ELF1: variants seen among roughly 807,000 people sequenced by gnomAD.
ELF1 encodes the protein ETS-related transcription factor Elf-1.
ELF1 carries 24 observed loss-of-function variants against 59.9 expected under a neutral mutation model. The observed-to-expected ratio is 0.40, with a 90% CI of 0.29 to 0.56. The LOEUF (loss-of-function observed/expected upper bound fraction) is 0.56, where lower values mean the gene tolerates loss of function less well. ELF1 is among the 20% of genes least tolerant of loss of function. ELF1 has a pLI of 0.44. For synonymous variants in ELF1, 248 were observed against 266.2 expected (o/e 0.93, Z 0.67); for missense variants, 627 against 742.2 (o/e 0.84, Z 1.80).
chr13:41,029,592 G>A (rs533317721), intron 1 of ELF1, among the ~76,000 whole-genome samples: 168 of 152,098 alleles, frequency 1.1e-3, no homozygotes, highest in African/African-American at 3.9e-3. Flanking sequence ...ATGTTGCCCA[G>A]GCTGGTCCTG....
At chr13:40,977,836 C>T (rs924000690) in intron 2 of ELF1, among the ~76,000 whole-genome samples, 5 of 152,000 alleles carry the variant, frequency 3.3e-5, no homozygotes, top group Non-Finnish European at 5.9e-5. Context: ...GTGATACTGG[C>T]ACAATATAAA....
intron 1 of ELF1, chr13:40,993,466 C>G (rs1873970963): frequency 1.7e-6 from 1 of 591,526 alleles, no homozygotes; most frequent in Non-Finnish European, 3.0e-6. Context: ...CTTAAGCACC[C>G]AGCGGGCGAG....
intron 1 of ELF1, among the ~76,000 whole-genome samples, chr13:40,990,968 G>A (rs1873822480): frequency 6.6e-6 from 1 of 152,056 alleles, no homozygotes; most frequent in African/African-American, 2.4e-5. Context: ...TTGAGAGACT[G>A]TCACAACTAA....
At chr13:41,020,122 T>C (rs972576108), upstream of ELF1, among the ~76,000 whole-genome samples, 20 of 151,972 alleles carry the variant, frequency 1.3e-4, 1 homozygote, top group Admixed American at 1.2e-3. Flanking sequence ...GGCACCCTGC[T>C]ACAGCTCCAC....
chr13:40,944,991 G>A (rs912471906), intron 5 of ELF1, among the ~76,000 whole-genome samples: 4 of 152,110 alleles, frequency 2.6e-5, no homozygotes, highest in South Asian at 2.1e-4. Context: ...CAAAAAGCCC[G>A]CTCTTCAGTC....
intron 1 of ELF1, among the ~76,000 whole-genome samples, chr13:40,991,983 A>G (rs1225177772): frequency 2.6e-5 from 4 of 152,252 alleles, no homozygotes; most frequent in African/African-American, 9.6e-5. Context: ...TCTGATGAAT[A>G]GCTAAATCAG....
At chr13:41,050,752 T>C (rs9566674) in intron 1 of ELF1, among the ~76,000 whole-genome samples, 20,452 of 152,018 alleles carry the variant, frequency 0.13, 2,045 homozygotes, top group East Asian at 0.29. Flanking sequence ...GATTTCACCA[T>C]ATTTGCCAGG....
Position 40,933,966 on chromosome 13 carries a change from G to A in ELF1, c.1319C>T (p.Thr440Ile). 1 of 1,614,250 alleles carries A rather than the reference G, an allele frequency of 6.2e-7. No individual in the cohort carries two copies. Among genetic ancestry groups the A allele is most frequent in the East Asian group, 2.2e-5 (1 of 44,894 alleles). Reference sequence around the variant, plus strand: ...GAGTGGCACTGTTTGGAGTGTTACTGTATGCAACTGCTGATTCCTAGGAGA... The same window carrying A: ...GAGTGGCACTGTTTGGAGTGTTACTATATGCAACTGCTGATTCCTAGGAGA... Reference protein sequence around the residue: ...VVSPRNQQLHTVTLQTVPLTT... With the variant: ...VVSPRNQQLHIVTLQTVPLTT... The change falls in exon 9 of 9, where the codon ACA becomes ATA. Residue 440 changes from threonine (T) to isoleucine (I), a missense_variant. Coordinates refer to ENST00000239882, the MANE Select transcript of ELF1 (RefSeq NM_172373.4).
chr13:40,955,172 C>T (rs1188930085), intron 3 of ELF1, among the ~76,000 whole-genome samples: 1 of 150,334 alleles, frequency 6.7e-6, no homozygotes, highest in African/African-American at 2.4e-5. Context: ...CTCCGCCCGG[C>T]AGCCACACCC....
intron 3 of ELF1, among the ~76,000 whole-genome samples, chr13:40,958,500 G>A (rs147116379): frequency 1.3e-5 from 2 of 151,762 alleles, no homozygotes; most frequent in African/African-American, 4.8e-5. Flanking sequence ...CCAAGTCTAG[G>A]CTGGGCAATA....
rs1869592280 is a variant in ELF1, at chr13:40,933,949, C to T, written c.1336G>A (p.Val446Met). 1 of 1,614,094 alleles carries T rather than the reference C, an allele frequency of 6.2e-7. No individual in the cohort carries two copies. Among genetic ancestry groups the T allele is most frequent in the Admixed American group, 1.7e-5 (1 of 60,006 alleles). ...CTGGCTATAACTGTTGTGAGTGGCACTGTTTGGAGTGTTACTGTATGCAAC... is the reference window on the plus strand; with the variant it reads ...CTGGCTATAACTGTTGTGAGTGGCATTGTTTGGAGTGTTACTGTATGCAAC... ...QQLHTVTLQT[V>M]PLTTVIASTD... Residue 446 changes from valine (V) to methionine (M), a missense_variant, in exon 9 of 9, where the codon GTG (valine) becomes ATG (methionine). Val to Met is a conservative substitution (Grantham distance 21). Around this residue, in one of 3 missense-constraint regions of ELF1, gnomAD observed 361 missense variants for 396.1 expected, o/e 0.91. Transcript: ENST00000239882.
At chr13:41,058,085 G>C (rs1877354252) in intron 1 of ELF1, among the ~76,000 whole-genome samples, 1 of 152,062 alleles carries the variant, frequency 6.6e-6, no homozygotes, top group African/African-American at 2.4e-5. Context: ...TTTATTGTTT[G>C]AATCTTTTAA....
chr13:41,006,092 C>G (rs1411653183), intron 1 of ELF1, among the ~76,000 whole-genome samples: 1 of 152,160 alleles, frequency 6.6e-6, no homozygotes, highest in Non-Finnish European at 1.5e-5. Flanking sequence ...TTAACATATA[C>G]CTAATAATCA....
In ELF1 at chr13:41,024,532, T is replaced by C. The variant is rs780141988; in HGVS notation, c.-229+36306A>G. On this transcript the variant is annotated intron_variant, in intron 1 of 1. Transcript: ENST00000405737. ...TTTCTGGCTAATTTTGTATTTTGTA[T>C]GTCTGGCTAATTTTTGTATTTTTTT... Among the ~76,000 whole-genome samples the C allele has an allele frequency of 6.2e-4, 95 of 152,132 alleles. 1 individual carries two copies. Among genetic ancestry groups the C allele is most frequent in the Middle Eastern group, 3.2e-3 (1 of 316 alleles).
intron 8 of ELF1, among the ~76,000 whole-genome samples, chr13:40,940,411 A>AAAC (rs1870072675): frequency 1.1e-5 from 1 of 93,708 alleles, no homozygotes; most frequent in Non-Finnish European, 2.8e-5. Flanking sequence ...AAAAAAAAAA[A>AAAC]AAAAAAACAA....
intron 2 of ELF1, among the ~76,000 whole-genome samples, chr13:40,975,899 T>C (rs977360565): frequency 1.3e-5 from 2 of 152,152 alleles, no homozygotes; most frequent in African/African-American, 4.8e-5. Context: ...TTAAAGGCTT[T>C]GGTAATATTA....
intron 1 of ELF1, among the ~76,000 whole-genome samples, chr13:41,005,656 G>A (rs894359832): frequency 6.6e-6 from 1 of 151,764 alleles, no homozygotes; most frequent in Non-Finnish European, 1.5e-5. Context: ...CCCAAACTTG[G>A]CTCATGTTAT....
chr13:41,033,345 A>G lies in ELF1; in HGVS notation c.-229+27493T>C, dbSNP rs552965697. On this transcript the variant is annotated intron_variant, in intron 1 of 1. Transcript: ENST00000405737. The stretch of plus-strand genomic sequence containing the variant: ...GTTATAATCCTTATTTCACATAATA[A>G]TTCACTTAAATTACTTGTTATAGTG... Among the ~76,000 whole-genome samples the G allele has an allele frequency of 3.3e-5, 5 of 152,362 alleles. No homozygotes were observed. In the South Asian group the frequency reaches 1.0e-3, roughly 32 times the overall value.
chr13:40,951,761 G>T, intron 3 of ELF1: 1 of 164,616 alleles, frequency 6.1e-6, no homozygotes, highest in Non-Finnish European at 1.3e-5. Context: ...CAGCTACTCA[G>T]GAGAGTGAGA....
Sources: gnomAD v4.1 joint callset for allele counts (sites outside exome capture counted in the v4.1 genomes callset) on GRCh38, gnomAD v4.1.1 for gene constraint, gnomAD v4.1.1 regional missense constraint, MANE v1.5 for transcripts, NCBI Gene and HGNC (gene_info 2026-07-23, HGNC 2026-07-21) for gene names.